Variants in SLC24A3 observed in about 807,000 individuals in gnomAD.
The protein encoded by SLC24A3 is sodium/potassium/calcium exchanger 3.
SLC24A3 carries 28 observed loss-of-function variants against 75.8 expected under a neutral mutation model. That is an observed-to-expected ratio of 0.37 (90% CI 0.27 to 0.51). The LOEUF is 0.51. Ranked by LOEUF, SLC24A3 falls within the 20% of genes least tolerant of loss-of-function variation. SLC24A3 has a pLI of 0.94. For missense variants in SLC24A3, 663 were observed against 847.8 expected, an observed-to-expected ratio of 0.78 and a Z score of 2.71; for synonymous variants, 372 against 334.1, an observed-to-expected ratio of 1.11 and a Z score of -1.24.
chr20:19,453,899 G>C (rs1346032011), intron 2 of SLC24A3, among the ~76,000 whole-genome samples: 2 of 152,186 alleles, frequency 1.3e-5, no homozygotes, highest in Admixed American at 1.3e-4. Flanking sequence ...TGCCCAGGCT[G>C]CCTCAAAAAA....
At chr20:19,636,139 CA>C (rs1427637428) in intron 6 of SLC24A3, among the ~76,000 whole-genome samples, 4 of 130,592 alleles carry the variant, frequency 3.1e-5, no homozygotes, top group African/African-American at 1.6e-4. Flanking sequence ...GACTCCATCT[CA>C]AAAAAAGAAA....
chr20:19,680,325 G>A (rs1317080195), intron 9 of SLC24A3, among the ~76,000 whole-genome samples: 1 of 152,170 alleles, frequency 6.6e-6, no homozygotes, highest in African/African-American at 2.4e-5. Flanking sequence ...TGGCCTATGT[G>A]TTTCCTATAT....
intron 5 of SLC24A3, 114 bp downstream of exon 5, chr20:19,585,169 A>C: frequency 5.2e-6 from 5 of 954,818 alleles, no homozygotes; most frequent in Non-Finnish European, 6.3e-6. Context: ...ATGATAATCC[A>C]GGGACCCCAA....
In SLC24A3 at chr20:19,503,028, G is replaced by GA. The variant is rs11476234; in HGVS notation, c.272-12442dup. Among the ~76,000 whole-genome samples, 1,001 of 109,588 alleles carry GA rather than the reference G, an allele frequency of 9.1e-3. 6 individuals carry two copies. The highest frequency in any genetic ancestry group is 0.01 in the Non-Finnish European group (519 of 51,302). The allele number at this position is 109,588 out of a possible 152,430, so 71.9% of individuals were successfully genotyped here. A position where few individuals can be genotyped will look rare whatever the true frequency, so the allele number is the denominator to read the frequency against. ...GGCAACAGAGTGAGACCTTGTCTCA[G>GA]AAAAAAAAAAAAAAAAAATACTAGA... is the stretch of plus-strand genomic sequence containing the variant. On this transcript the variant is annotated intron_variant, in intron 2 of 16. Coordinates refer to ENST00000328041, the MANE Select transcript of SLC24A3 (RefSeq NM_020689.4).
intron 4 of SLC24A3, among the ~76,000 whole-genome samples, chr20:19,584,112 T>C (rs905673752): frequency 6.6e-6 from 1 of 152,224 alleles, no homozygotes; most frequent in African/African-American, 2.4e-5. Context: ...ACTTTCTGGG[T>C]CATGACTGAA....
At chr20:19,312,881 G>T (rs1018292814) in intron 2 of SLC24A3, among the ~76,000 whole-genome samples, 8 of 152,140 alleles carry the variant, frequency 5.3e-5, no homozygotes, top group Admixed American at 3.9e-4. Context: ...GGTAGCAATG[G>T]TGATGCTGGC....
At chr20:19,511,328 A>ATT (rs11478021) in intron 2 of SLC24A3, among the ~76,000 whole-genome samples, 3,321 of 140,722 alleles carry the variant, frequency 0.024, 120 homozygotes, top group African/African-American at 0.077. Context: ...GCTTAGCTCA[A>ATT]TTTTTTTTTT....
intron 2 of SLC24A3, among the ~76,000 whole-genome samples, chr20:19,374,892 G>A (rs1275561649): frequency 1.3e-5 from 2 of 152,120 alleles, no homozygotes; most frequent in African/African-American, 4.8e-5. Flanking sequence ...ATGCTTTCTG[G>A]AGCCACCCAT....
At chr20:19,283,428 G>C (rs1000536096) in intron 2 of SLC24A3, among the ~76,000 whole-genome samples, 2 of 152,172 alleles carry the variant, frequency 1.3e-5, no homozygotes, top group Non-Finnish European at 2.9e-5. Context: ...TAAATATTCA[G>C]ATTCTCAGTT....
chr20:19,680,575 A>G (rs918377171), intron 9 of SLC24A3, among the ~76,000 whole-genome samples: 5 of 152,276 alleles, frequency 3.3e-5, no homozygotes, highest in African/African-American at 1.2e-4. Flanking sequence ...TGGTGTTCTA[A>G]TTCTACGCTT....
At chr20:19,370,374 A>G (rs1985971477) in intron 2 of SLC24A3, among the ~76,000 whole-genome samples, 1 of 152,224 alleles carries the variant, frequency 6.6e-6, no homozygotes, top group Non-Finnish European at 1.5e-5. Context: ...GACCTGACAG[A>G]CTGGAATGAC....
chr20:19,261,780 A>G (rs1982997472), intron 1 of SLC24A3: 1 of 152,302 alleles, frequency 6.6e-6, no homozygotes, highest in Admixed American at 6.5e-5. Flanking sequence ...GTTGCAGAGC[A>G]GTAACTTAAA....
chr20:19,717,373 T>G (rs2033055571), intron 15 of SLC24A3, among the ~76,000 whole-genome samples, 155 bp from the exon 16 acceptor site: 1 of 152,232 alleles, frequency 6.6e-6, no homozygotes, highest in Non-Finnish European at 1.5e-5. Flanking sequence ...GTATAAGCTG[T>G]GGAGCTGGCT....
chr20:19,401,361 G>A (rs1986550097), intron 2 of SLC24A3, among the ~76,000 whole-genome samples: 1 of 152,198 alleles, frequency 6.6e-6, no homozygotes. Flanking sequence ...ACCGATGAAA[G>A]ATTTCTAGAT....
chr20:19,330,982 T>C (rs923606171), intron 2 of SLC24A3, among the ~76,000 whole-genome samples: 4 of 152,142 alleles, frequency 2.6e-5, no homozygotes, highest in African/African-American at 9.7e-5. Flanking sequence ...GAACATTCTA[T>C]TGAAGCAAGG....
chr20:19,285,797 G>C (rs552129143), intron 2 of SLC24A3, among the ~76,000 whole-genome samples: 2 of 151,730 alleles, frequency 1.3e-5, no homozygotes, highest in Non-Finnish European at 2.9e-5. Context: ...TTTGATCCAT[G>C]GAAAATTAAG....
chr20:19,492,057 A>T (rs1988217170), intron 2 of SLC24A3, among the ~76,000 whole-genome samples: 1 of 152,206 alleles, frequency 6.6e-6, no homozygotes, highest in Non-Finnish European at 1.5e-5. Flanking sequence ...CGGGGTGCAG[A>T]TGAAAACCAG....
intron 6 of SLC24A3, among the ~76,000 whole-genome samples, chr20:19,632,175 G>A (rs539450124): frequency 3.0e-4 from 45 of 152,146 alleles, no homozygotes; most frequent in Admixed American, 5.2e-4. Context: ...AGTAGCTGGA[G>A]TCGGCAGCAC....
intron 1 of SLC24A3, among the ~76,000 whole-genome samples, chr20:19,263,544 G>A (rs994369298): frequency 5.3e-4 from 80 of 152,322 alleles, no homozygotes; most frequent in Non-Finnish European, 1.0e-3. Context: ...TGCAAAGCAA[G>A]CCTCCCCGTT....
Sources: gnomAD v4.1 joint callset for allele counts (sites outside exome capture counted in the v4.1 genomes callset) on GRCh38, gnomAD v4.1.1 for gene constraint, MANE v1.5 for transcripts, NCBI Gene and HGNC (gene_info 2026-07-23, HGNC 2026-07-21) for gene names.